Variants in DHCR7 observed in about 807,000 individuals in gnomAD.
The protein encoded by DHCR7 is 7-DHC reductase.
Under a neutral mutation model 43.3 loss-of-function variants are expected in DHCR7, and 40 were observed. The ratio of observed to expected loss-of-function variants is 0.92; its 90% CI spans 0.72 to 1.20. The LOEUF is 1.20. Among genes scored for constraint, DHCR7 ranks in the 50% most tolerant of loss-of-function variants. The pLI is 0.00. For missense variants in DHCR7, 608 were observed against 644.6 expected (o/e 0.94, Z 0.62); for synonymous variants, 298 against 271.4 (o/e 1.10, Z -0.96).
At position 71,435,985 on chromosome 11, in the gene DHCR7, A is replaced by G. The variant is rs940891641; in HGVS notation, c.964-146T>C. ...CTCCGTGTTCTCTTCTGTGAATAAA[A>G]GCACCAACCTTGAGGGCTGTTGTGG... On this transcript the variant is annotated intron_variant, in intron 8 of 8. Coordinates refer to ENST00000355527, the MANE Select transcript of DHCR7 (RefSeq NM_001360.3). The G allele has an allele frequency of 1.9e-5, 13 of 698,730 alleles. No individual in the cohort carries two copies. In the African/African-American group the frequency reaches 1.9e-4, roughly 10 times the overall value. 43.3% of individuals were successfully genotyped at this position (698,730 alleles called of 1,614,324 possible).
rs769454033 is a variant in DHCR7, at chr11:71,435,372, C to A, written c.*3G>T. The A allele has an allele frequency of 1.2e-6, 2 of 1,611,424 alleles. No homozygotes were observed. Among genetic ancestry groups the A allele is most frequent in the African/African-American group, 1.3e-5 (1 of 74,944 alleles). On this transcript the variant is annotated 3_prime_UTR_variant, in exon 9 of 9. Transcript: ENST00000355527. ...CCACAGGGCTTCTCCCTAGGGCGTG[C>A]CCTTAGAAGATTCCAGGCAGCAGGC...
chr11:71,448,797 G>T (rs1949433467), upstream of DHCR7: 1 of 152,300 alleles, frequency 6.6e-6, no homozygotes, highest in Admixed American at 6.5e-5. Context: ...ATGTCCAGGC[G>T]CCGGTGCACC....
chr11:71,445,037 C>G, intron 2 of DHCR7, 79 bp from the exon 3 acceptor site: 1 of 1,280,588 alleles, frequency 7.8e-7, no homozygotes, highest in Non-Finnish European at 1.1e-6. Flanking sequence ...ACCACTGCTC[C>G]TGGGCCTGGC....
At chr11:71,439,825 G>A (rs770628279) in intron 6 of DHCR7, among the ~76,000 whole-genome samples, 1 of 152,210 alleles carries the variant, frequency 6.6e-6, no homozygotes, top group Non-Finnish European at 1.5e-5. Context: ...AGGTAGCGAG[G>A]ATGATTTCCA....
intron 4 of DHCR7, among the ~76,000 whole-genome samples, chr11:71,442,854 G>A (rs538404244): frequency 2.0e-5 from 3 of 152,088 alleles, no homozygotes; most frequent in East Asian, 1.9e-4. Context: ...ACAATTCAGC[G>A]GCATTTAGCG....
downstream of DHCR7, among the ~76,000 whole-genome samples, chr11:71,430,851 A>G (rs1267378624): frequency 6.6e-6 from 1 of 152,174 alleles, no homozygotes; most frequent in Admixed American, 6.5e-5. Context: ...GCTTGTGAGT[A>G]TGCAGTAAAA....
In DHCR7 at chr11:71,440,125, G is replaced by C. The variant is rs530918413; in HGVS notation, c.627-1042C>G. ...ATGATAGGCAGGGTTGAGCTGGGGT[G>C]CAGGGTGGCAGGGATCAGGTGTGTT... is the stretch of plus-strand genomic sequence containing the variant. On this transcript the variant is annotated intron_variant, in intron 6 of 8. Coordinates refer to ENST00000355527, the MANE Select transcript of DHCR7 (RefSeq NM_001360.3). Among the ~76,000 whole-genome samples, 4 of 152,080 alleles carry C rather than the reference G, an allele frequency of 2.6e-5. No homozygotes were observed. The South Asian group carries it at 8.3e-4, about 32-fold the overall frequency.
At chr11:71,433,677 G>C (rs1308942269), downstream of DHCR7, among the ~76,000 whole-genome samples, 6 of 152,186 alleles carry the variant, frequency 3.9e-5, no homozygotes, top group Admixed American at 3.3e-4. Flanking sequence ...ACGCAGGCAG[G>C]GAGGCCCGGA....
downstream of DHCR7, among the ~76,000 whole-genome samples, chr11:71,431,891 C>T (rs1215464351): frequency 1.3e-5 from 2 of 152,164 alleles, no homozygotes; most frequent in African/African-American, 2.4e-5. Flanking sequence ...GGCACAATCA[C>T]GGTCCACTAC....
At chr11:71,433,133 C>G (rs1591105743), downstream of DHCR7, among the ~76,000 whole-genome samples, 4 of 152,326 alleles carry the variant, frequency 2.6e-5, no homozygotes, top group South Asian at 2.1e-4. Flanking sequence ...TTCAGATGGC[C>G]CTGGCAATTG....
chr11:71,445,522 G>A (rs756873335), intron 2 of DHCR7, among the ~76,000 whole-genome samples: 13 of 152,086 alleles, frequency 8.5e-5, no homozygotes, highest in Admixed American at 5.9e-4. Flanking sequence ...TCTCCCCATC[G>A]CCTAGAAGTA....
At chr11:71,441,557 G>T in intron 5 of DHCR7, 117 bp from the exon 6 acceptor site, 1 of 901,912 alleles carries the variant, frequency 1.1e-6, no homozygotes, top group Non-Finnish European at 1.8e-6. Context: ...TGCTGCTGCG[G>T]ACCCTCATCT....
chr11:71,443,627 G>A (rs888548030), intron 4 of DHCR7, among the ~76,000 whole-genome samples: 2 of 152,168 alleles, frequency 1.3e-5, no homozygotes, highest in African/African-American at 4.8e-5. Flanking sequence ...GGACTGAGAT[G>A]CTCCTTTCCA....
rs556325764 is a variant in DHCR7, at chr11:71,443,646, G to A, written c.321+347C>T. On this transcript the variant is annotated intron_variant, in intron 4 of 8. Coordinates refer to ENST00000355527, the MANE Select transcript of DHCR7 (RefSeq NM_001360.3). ...TGAGATGCTCCTTTCCAGACCTGGT[G>A]CAAGGCGTGACTCCTGCTGACAATG... Among the ~76,000 whole-genome samples the A allele has an allele frequency of 7.2e-5, 11 of 152,296 alleles. No homozygotes were observed. In the South Asian group the frequency reaches 2.1e-3, roughly 29 times the overall value.
chr11:71,437,594 G>A (rs1010388154), intron 8 of DHCR7, among the ~76,000 whole-genome samples: 3 of 152,150 alleles, frequency 2.0e-5, no homozygotes, highest in Admixed American at 6.5e-5. Flanking sequence ...GCCCTGAGCC[G>A]GCATCTGCCC....
rs1457478681 is a variant in DHCR7 at position 71,434,878 on chromosome 11, G to C, written c.*497C>G. 2.8e-6 allele frequency: 1 copy of C among 352,240 alleles called. No homozygotes were observed. Among genetic ancestry groups the C allele is most frequent in the Non-Finnish European group, 5.6e-6 (1 of 178,118 alleles). The allele number at this position is 352,240 out of a possible 1,614,324, so 21.8% of individuals were successfully genotyped here. A position where few individuals can be genotyped will look rare whatever the true frequency, so the allele number is the denominator to read the frequency against. ...GTGCACGCTACCAAGGAGAAACGGC[G>C]CACGGGCCCCACCCACGACTGCAGA... is the stretch of plus-strand genomic sequence containing the variant. On this transcript the variant is annotated 3_prime_UTR_variant, in exon 9 of 9. Transcript: ENST00000355527.
At chr11:71,433,799 G>A (rs1048818642), downstream of DHCR7, among the ~76,000 whole-genome samples, 65 of 152,344 alleles carry the variant, frequency 4.3e-4, 1 homozygote, top group African/African-American at 1.4e-3. Flanking sequence ...GTGTGCTCCC[G>A]TCTCCCCGGC....
chr11:71,446,550 G>A (rs1949405556), intron 2 of DHCR7, among the ~76,000 whole-genome samples: 1 of 152,226 alleles, frequency 6.6e-6, no homozygotes, highest in Non-Finnish European at 1.5e-5. Context: ...TTTGCTGCTG[G>A]CAAGCAAGAC....
rs541282653 is a variant in DHCR7, at chr11:71,434,596, A to G, written c.*779T>C. On this transcript the variant is annotated 3_prime_UTR_variant, in exon 9 of 9. Transcript: ENST00000355527. ...CTGGAGAAGGTGTGGGAGGCCCCTG[A>G]GGGTGAAGTTCCCCGGGTTGCTCGA... 122 of 157,040 alleles carry G rather than the reference A, an allele frequency of 7.8e-4. No individual in the cohort carries two copies. Among genetic ancestry groups the G allele is most frequent in the Admixed American group, 2.9e-3 (47 of 16,390 alleles). 9.7% of individuals were successfully genotyped at this position (157,040 alleles called of 1,614,324 possible).
Sources: gnomAD v4.1 joint callset for allele counts (sites outside exome capture counted in the v4.1 genomes callset) on GRCh38, gnomAD v4.1.1 for gene constraint, MANE v1.5 for transcripts, NCBI Gene and HGNC (gene_info 2026-07-23, HGNC 2026-07-21) for gene names.